Variants in COP1 observed in about 807,000 individuals in gnomAD.
The protein encoded by COP1 is E3 ubiquitin-protein ligase COP1.
In COP1, 24 loss-of-function variants were observed where a neutral mutation model predicts 101.3. The ratio of observed to expected loss-of-function variants is 0.24; its 90% CI spans 0.17 to 0.33. The LOEUF (loss-of-function observed/expected upper bound fraction) is 0.33. Ranked by LOEUF, COP1 falls within the 10% of genes least tolerant of loss-of-function variation. The pLI, the probability that COP1 is intolerant of heterozygous loss-of-function variation, is 1.00. For synonymous variants in COP1, 347 were observed against 341.9 expected (o/e 1.01, Z -0.17); for missense variants, 663 against 906.2 (o/e 0.73, Z 3.45).
intron 1 of COP1, among the ~76,000 whole-genome samples, chr1:176,193,651 G>A (rs1173354533): frequency 6.6e-6 from 1 of 152,108 alleles, no homozygotes; most frequent in African/African-American, 2.4e-5. Flanking sequence ...GCTGATACAT[G>A]TCACAACATG....
At chr1:175,995,637 G>C (rs1392184759) in intron 15 of COP1, among the ~76,000 whole-genome samples, 1 of 152,178 alleles carries the variant, frequency 6.6e-6, no homozygotes, top group Non-Finnish European at 1.5e-5. Context: ...AAATAAACTT[G>C]AAAATCTAGA....
At chr1:176,135,111 T>C in intron 7 of COP1, 25 bp from the exon 8 acceptor site, 8 of 1,424,110 alleles carry the variant, frequency 5.6e-6, no homozygotes, top group Non-Finnish European at 6.9e-6. Context: ...ATTTGAATTA[T>C]AGTAGATATT....
chr1:176,124,315 T>C (rs953245447), intron 8 of COP1, among the ~76,000 whole-genome samples: 5 of 152,150 alleles, frequency 3.3e-5, no homozygotes, highest in African/African-American at 1.2e-4. Flanking sequence ...AAATTATTAT[T>C]GACTATAGTC....
Position 176,131,721 on chromosome 1 carries a change from T to C in COP1, c.968+3289A>G, listed in dbSNP as rs542851346. ...CAAATATGAATAGTATTATAAAAGA[T>C]AATATTTGTCTCAGAATGTCTGATT... On this transcript the variant is annotated intron_variant, in intron 8 of 19. Coordinates refer to ENST00000367669, the MANE Select transcript of COP1 (RefSeq NM_022457.7). 2.7e-5 allele frequency among the ~76,000 whole-genome samples: 4 copies of C among 150,012 alleles called. No individual in the cohort carries two copies. In the East Asian group the frequency reaches 7.7e-4, roughly 29 times the overall value.
chr1:176,194,249 G>C (rs1412060983), intron 1 of COP1, among the ~76,000 whole-genome samples: 1 of 151,982 alleles, frequency 6.6e-6, no homozygotes, highest in Non-Finnish European at 1.5e-5. Context: ...AAATAGAAGA[G>C]ACAAATAGAA....
rs1698231173 is a variant in COP1 at position 176,184,677 on chromosome 1, A to G, written c.423T>C (p.Asp141=). ...SNDFVCPICF[D]MIEEAYMTKC... is the part of the protein sequence containing the mutation. ...TTGTCATGTATGCTTCTTCAATCAT[A>G]TCAAAGCAGATGGGGCTAAAAAGAA... Residue 141 remains aspartate (D), a synonymous_variant, in exon 2 of 20, where the codon GAT becomes GAC. Transcript: ENST00000367669. 6.2e-7 allele frequency: 1 copy of G among 1,608,582 alleles called. No homozygotes were observed. Among genetic ancestry groups the G allele is most frequent in the Non-Finnish European group, 8.5e-7 (1 of 1,176,934 alleles).
intron 2 of COP1, among the ~76,000 whole-genome samples, chr1:176,182,531 A>G (rs1697930576): frequency 6.6e-6 from 1 of 152,256 alleles, no homozygotes; most frequent in East Asian, 1.9e-4. Flanking sequence ...TCTATAAAGC[A>G]CAGTGCAGTC....
chr1:176,152,827 A>T (rs1342325066), intron 5 of COP1, among the ~76,000 whole-genome samples: 1 of 152,218 alleles, frequency 6.6e-6, no homozygotes, highest in African/African-American at 2.4e-5. Flanking sequence ...ATGTGCAGGT[A>T]ACATTTCACA....
intron 11 of COP1, among the ~76,000 whole-genome samples, chr1:176,066,698 T>A (rs1218934397): frequency 1.3e-5 from 2 of 152,222 alleles, no homozygotes; most frequent in African/African-American, 4.8e-5. Flanking sequence ...AAATATCAGT[T>A]ATTTTAAACA....
intron 15 of COP1, among the ~76,000 whole-genome samples, chr1:176,023,339 A>G (rs1286773014): frequency 1.3e-5 from 2 of 152,250 alleles, no homozygotes; most frequent in African/African-American, 4.8e-5. Flanking sequence ...GTACATTACT[A>G]TTGACAATAC....
At chr1:176,001,977 T>G (rs140453998) in intron 15 of COP1, among the ~76,000 whole-genome samples, 157 of 152,260 alleles carry the variant, frequency 1.0e-3, no homozygotes, top group African/African-American at 3.6e-3. Flanking sequence ...TTAATCTTAA[T>G]GAGGATCCCT....
At chr1:176,020,026 G>A (rs1337203548) in intron 15 of COP1, among the ~76,000 whole-genome samples, 1 of 152,100 alleles carries the variant, frequency 6.6e-6, no homozygotes, top group African/African-American at 2.4e-5. Context: ...TAAAGATCCT[G>A]TTTAAAACTT....
intron 9 of COP1, among the ~76,000 whole-genome samples, chr1:176,097,863 C>T (rs1427318797): frequency 1.2e-4 from 12 of 99,642 alleles, no homozygotes; most frequent in Admixed American, 1.2e-4. Context: ...AGTGAAACTC[C>T]ATCTCAAAAA....
chr1:175,993,011 C>T (rs1659038042), intron 15 of COP1, among the ~76,000 whole-genome samples: 1 of 152,200 alleles, frequency 6.6e-6, no homozygotes, highest in Non-Finnish European at 1.5e-5. Context: ...GGCAAACTGA[C>T]ACCTCACACC....
intron 18 of COP1, among the ~76,000 whole-genome samples, chr1:175,971,631 T>C (rs1378164821): frequency 6.6e-6 from 1 of 152,202 alleles, no homozygotes; most frequent in African/African-American, 2.4e-5. Context: ...CCTATGCATC[T>C]CTTCCCATGA....
chr1:176,027,941 C>G (rs140413911), intron 14 of COP1, among the ~76,000 whole-genome samples: 3 of 150,158 alleles, frequency 2.0e-5, no homozygotes, highest in African/African-American at 4.9e-5. Flanking sequence ...CAGTTCCACA[C>G]GGCTGAGGAG....
rs57110017 is a variant in COP1, at chr1:175,998,063, TAAAAAAAAAAA to T, written c.1730-8595_1730-8585del. On this transcript the variant is annotated intron_variant, in intron 15 of 19. Transcript: ENST00000367669. ...TGTACCCTAAAACTTAGAGTATAAT[TAAAAAAAAAAA>T]AAAAAAAAAAAAAAAAGAAAATGTG... Among the ~76,000 whole-genome samples the T allele has an allele frequency of 9.0e-5, 6 of 66,820 alleles. No homozygotes were observed. The East Asian group carries it at 1.5e-3, about 16-fold the overall frequency. 43.8% of individuals were successfully genotyped at this position (66,820 alleles called of 152,430 possible).
At chr1:176,049,178 C>CA (rs61267982) in intron 11 of COP1, among the ~76,000 whole-genome samples, 1,416 of 118,178 alleles carry the variant, frequency 0.012, 49 homozygotes, top group African/African-American at 0.041. Flanking sequence ...GACTCCGTCT[C>CA]AAAAAAAAAA....
intron 18 of COP1, among the ~76,000 whole-genome samples, chr1:175,962,798 T>C (rs1213659167): frequency 6.6e-6 from 1 of 152,090 alleles, no homozygotes; most frequent in Admixed American, 6.5e-5. Context: ...CCTTTAATCC[T>C]ATCTCTTAAC....
Sources: allele counts gnomAD v4.1 joint callset (sites outside exome capture counted in the v4.1 genomes callset), GRCh38; gene constraint gnomAD v4.1.1; transcripts MANE v1.5; gene names NCBI Gene and HGNC (gene_info 2026-07-23, HGNC 2026-07-21).